LRPPRC: variants seen among roughly 807,000 people sequenced by gnomAD.
LRPPRC encodes the protein leucine rich pentatricopeptide repeat containing.
Under a neutral mutation model 180.3 loss-of-function variants are expected in LRPPRC, and 120 were observed. The ratio of observed to expected loss-of-function variants is 0.67; its 90% CI spans 0.57 to 0.77. The LOEUF (loss-of-function observed/expected upper bound fraction) is 0.77, where lower values mean the gene tolerates loss of function less well. Among genes scored for constraint, LRPPRC ranks in the 30% least tolerant of loss-of-function variants. The pLI is 0.00. For missense variants in LRPPRC, 2,012 were observed against 1,657.2 expected, an observed-to-expected ratio of 1.21 and a Z score of -3.72; for synonymous variants, 723 against 600.0, an observed-to-expected ratio of 1.21 and a Z score of -3.00.
At chr2:43,987,650 T>A (rs1038113795) in intron 1 of LRPPRC, among the ~76,000 whole-genome samples, 1 of 152,158 alleles carries the variant, frequency 6.6e-6, no homozygotes, top group Non-Finnish European at 1.5e-5. Flanking sequence ...ATCTAGTGAG[T>A]GCTTAGATGT....
intron 11 of LRPPRC, 78 bp downstream of exon 11, chr2:43,973,529 G>A: frequency 2.2e-6 from 2 of 894,832 alleles, no homozygotes; most frequent in South Asian, 1.3e-5. Flanking sequence ...CTTTTCCAAA[G>A]AATCCAATTA....
Position 43,916,969 on chromosome 2 carries a change from A to AAG in LRPPRC, c.3148+1055_3148+1056insCT, listed in dbSNP as rs57369790. ...CGGGGGGAAAAAAAAAAAAAAAAAA[A>AAG]GAATAGTATAATGAACCTCACCTTC... is the stretch of plus-strand genomic sequence containing the variant. On this transcript the variant is annotated intron_variant, in intron 29 of 37. Coordinates refer to ENST00000260665, the MANE Select transcript of LRPPRC (RefSeq NM_133259.4). 4.0e-5 allele frequency among the ~76,000 whole-genome samples: 6 copies of AAG among 149,476 alleles called. No individual in the cohort carries two copies. In the East Asian group the frequency reaches 1.2e-3, roughly 29 times the overall value.
chr2:43,955,244 G>C (rs1673057143), intron 14 of LRPPRC, among the ~76,000 whole-genome samples: 1 of 152,034 alleles, frequency 6.6e-6, no homozygotes, highest in Admixed American at 6.5e-5. Context: ...GAGGTGGCAG[G>C]ATCACCTGAG....
At chr2:43,995,402 G>A (rs1005194426) in intron 1 of LRPPRC, among the ~76,000 whole-genome samples, 3 of 152,182 alleles carry the variant, frequency 2.0e-5, no homozygotes, top group Non-Finnish European at 4.4e-5. Context: ...AATGCTAGGT[G>A]GTTACTGATC....
At chr2:43,973,499 A>T (rs1168336766) in intron 11 of LRPPRC, 108 bp downstream of exon 11, 1 of 767,372 alleles carries the variant, frequency 1.3e-6, no homozygotes, top group African/African-American at 1.7e-5. Flanking sequence ...ATTATCTCAT[A>T]ATACTCAGGA....
At chr2:43,965,467 T>C (rs2103679344) in intron 11 of LRPPRC, among the ~76,000 whole-genome samples, 1 of 152,284 alleles carries the variant, frequency 6.6e-6, no homozygotes, top group South Asian at 2.1e-4. Flanking sequence ...ACAACGACTT[T>C]TTGGACTTGA....
intron 13 of LRPPRC, among the ~76,000 whole-genome samples, chr2:43,958,518 G>A (rs1372388283): frequency 1.3e-5 from 2 of 152,194 alleles, no homozygotes; most frequent in Non-Finnish European, 2.9e-5. Flanking sequence ...TGAACAAGGA[G>A]CCTAAGTTTC....
At chr2:43,994,322 C>T (rs909145750) in intron 1 of LRPPRC, among the ~76,000 whole-genome samples, 9 of 152,138 alleles carry the variant, frequency 5.9e-5, no homozygotes, top group African/African-American at 2.2e-4. Flanking sequence ...AAATTATTTC[C>T]TCCACGTAAT....
intron 31 of LRPPRC, among the ~76,000 whole-genome samples, chr2:43,904,121 T>C (rs1287565418): frequency 2.0e-5 from 3 of 152,086 alleles, no homozygotes; most frequent in Non-Finnish European, 4.4e-5. Context: ...TAAAAATTTT[T>C]TGTAGAGACA....
At chr2:43,918,792 GATATATAT>G (rs111297590) in intron 27 of LRPPRC, among the ~76,000 whole-genome samples, 6 of 45,084 alleles carry the variant, frequency 1.3e-4, no homozygotes, top group Admixed American at 2.8e-4. Context: ...TATATATATA[GATATATAT>G]ATATATATAG....
At chr2:43,907,207 C>T (rs979262410) in intron 30 of LRPPRC, among the ~76,000 whole-genome samples, 1 of 152,118 alleles carries the variant, frequency 6.6e-6, no homozygotes, top group African/African-American at 2.4e-5. Flanking sequence ...TAATCTCTTC[C>T]TCTCTCAAGC....
chr2:43,959,469 C>A (rs1013351095), intron 13 of LRPPRC, among the ~76,000 whole-genome samples: 26 of 152,164 alleles, frequency 1.7e-4, no homozygotes, highest in African/African-American at 6.0e-4. Flanking sequence ...TAACTGTTAA[C>A]ATTTTAGGGA....
At chr2:43,952,421 TACCAGTGCCCAA>T (rs920886294) in intron 14 of LRPPRC, among the ~76,000 whole-genome samples, 9 of 152,310 alleles carry the variant, frequency 5.9e-5, no homozygotes, top group African/African-American at 2.2e-4. Flanking sequence ...AAGGAACAGT[TACCAGTGCCCAA>T]ACCAGTGCAA....
rs1269207164 is a variant in LRPPRC at position 43,915,226 on chromosome 2, TCTCTCTCACACACACACA to T, written c.3149-2686_3149-2669del. 2.0e-4 allele frequency among the ~76,000 whole-genome samples: 17 copies of T among 84,120 alleles called. No individual in the cohort carries two copies. The South Asian group carries it at 2.7e-3, about 13-fold the overall frequency. 55.2% of individuals were successfully genotyped at this position (84,120 alleles called of 152,430 possible). ...CTCTCTCTCTCTCTCTCTCTCTCTC[TCTCTCTCACACACACACA>T]CACACACACACACACACACACACAC... On this transcript the variant is annotated intron_variant, in intron 29 of 37. Coordinates refer to ENST00000260665, the MANE Select transcript of LRPPRC (RefSeq NM_133259.4).
intron 14 of LRPPRC, among the ~76,000 whole-genome samples, chr2:43,955,566 C>T (rs745795370): frequency 1.1e-4 from 17 of 151,894 alleles, no homozygotes; most frequent in Non-Finnish European, 1.9e-4. Context: ...AGTGAGATCC[C>T]GTCTCTACAA....
intron 1 of LRPPRC, among the ~76,000 whole-genome samples, chr2:43,985,147 T>G (rs985610395): frequency 6.6e-6 from 1 of 152,078 alleles, no homozygotes; most frequent in Non-Finnish European, 1.5e-5. Context: ...TGTACCATTT[T>G]TTTAAAAAAT....
At chr2:43,921,700 C>T (rs549255054) in intron 27 of LRPPRC, among the ~76,000 whole-genome samples, 45 of 152,026 alleles carry the variant, frequency 3.0e-4, no homozygotes, top group Non-Finnish European at 5.1e-4. Flanking sequence ...TCATAGTTAG[C>T]TAGTATAGTA....
At chr2:43,923,313 C>T (rs754404687) in intron 27 of LRPPRC, among the ~76,000 whole-genome samples, 2 of 151,466 alleles carry the variant, frequency 1.3e-5, no homozygotes, top group Non-Finnish European at 2.9e-5. Flanking sequence ...ACCCCGTCTC[C>T]ACAAAAAGTT....
At chr2:43,964,441 C>G (rs1035126940) in intron 11 of LRPPRC, among the ~76,000 whole-genome samples, 3 of 152,092 alleles carry the variant, frequency 2.0e-5, no homozygotes, top group Non-Finnish European at 4.4e-5. Flanking sequence ...AAAGAAAGAA[C>G]ATTCTTATTT....
Sources: gnomAD v4.1 joint callset for allele counts (sites outside exome capture counted in the v4.1 genomes callset) on GRCh38, gnomAD v4.1.1 for gene constraint, MANE v1.5 for transcripts, NCBI Gene and HGNC (gene_info 2026-07-23, HGNC 2026-07-21) for gene names.